KDM1B: variants seen among roughly 807,000 people sequenced by gnomAD.
The protein encoded by KDM1B is lysine demethylase 1B, also known as lysine-specific histone demethylase 2.
KDM1B carries 63 observed loss-of-function variants against 107.4 expected under a neutral mutation model. The observed-to-expected ratio is 0.59, with a 90% CI of 0.48 to 0.72. The LOEUF (loss-of-function observed/expected upper bound fraction) is 0.72. KDM1B is among the 30% of genes least tolerant of loss of function. KDM1B has a pLI of 0.00. For synonymous variants in KDM1B, 363 were observed against 363.9 expected (o/e 1.00, Z 0.03); for missense variants, 749 against 1,020.8 (o/e 0.73, Z 3.63).
In KDM1B at chr6:18,186,999, C is replaced by CACACA. The variant is rs1022320371; in HGVS notation, c.574-792_574-791insCACAA. The stretch of plus-strand genomic sequence containing the variant: ...ACACACACACACACACACACACACA[C>CACACA]ATTTTTTTTCCAGGCTCCAGAATAG... On this transcript the variant is annotated intron_variant, in intron 8 of 21. Transcript: ENST00000650836. The surrounding 1 kb of genome is among the most constrained non-coding windows in gnomAD (Gnocchi z 5.6). 6.8e-6 allele frequency among the ~76,000 whole-genome samples: 1 copy of CACACA among 146,882 alleles called. No homozygotes were observed.
intron 20 of KDM1B, among the ~76,000 whole-genome samples, chr6:18,217,447 C>T (rs1391001844): frequency 2.0e-5 from 3 of 148,974 alleles, no homozygotes; most frequent in African/African-American, 5.0e-5. Flanking sequence ...GGCGCGATCT[C>T]GGCTCACTGC....
Position 18,198,418 on chromosome 6 carries a change from G to A in KDM1B, c.1221+757G>A, listed in dbSNP as rs373538745. Among the ~76,000 whole-genome samples the A allele has an allele frequency of 3.3e-5, 5 of 150,842 alleles. No individual in the cohort carries two copies. The East Asian group carries it at 7.8e-4, about 24-fold the overall frequency. ...TAATTTTTGTATTTTTGGTAGAGAC[G>A]GGATTTCACCATGTTGGCAAGGCAG... On this transcript the variant is annotated intron_variant, in intron 12 of 21. Transcript: ENST00000650836.
At chr6:18,178,084 G>A (rs1405171743) in intron 7 of KDM1B, among the ~76,000 whole-genome samples, 1 of 151,880 alleles carries the variant, frequency 6.6e-6, no homozygotes, top group Non-Finnish European at 1.5e-5. Flanking sequence ...TTGATTGATT[G>A]ATTGATTTTT....
At position 18,193,298 on chromosome 6, in the gene KDM1B, CTTTTTTTTTT is replaced by C. The variant is rs61133563; in HGVS notation, c.969+1931_969+1940del. 3.8e-3 allele frequency among the ~76,000 whole-genome samples: 346 copies of C among 90,084 alleles called. 2 individuals carry two copies. Among genetic ancestry groups the C allele is most frequent in the African/African-American group, 0.013 (323 of 24,716 alleles). The allele number at this position is 90,084 out of a possible 152,430, so 59.1% of individuals were successfully genotyped here. ...TCAAAGACTTTGAAATGTGTGCTTT[CTTTTTTTTTT>C]TTTTTTTTTTTTTGAGACACAGACT... On this transcript the variant is annotated intron_variant, in intron 10 of 21. Coordinates refer to ENST00000650836, the MANE Select transcript of KDM1B (RefSeq NM_001364614.2).
chr6:18,213,877 C>A lies in KDM1B; in HGVS notation c.2109+96C>A, dbSNP rs1561955089. ...CCTATCAAGCTCAGGAACTAACGAACATCATGGAGACCCTGGGTCTATGTT... is the reference window on the plus strand; with the variant it reads ...CCTATCAAGCTCAGGAACTAACGAAAATCATGGAGACCCTGGGTCTATGTT... On this transcript the variant is annotated intron_variant, in intron 19 of 21. Transcript: ENST00000650836. The surrounding 1 kb of genome is among the most constrained non-coding windows in gnomAD (Gnocchi z 5.9). 1 of 1,330,326 alleles carries A rather than the reference C, an allele frequency of 7.5e-7. No individual in the cohort carries two copies. The allele number at this position is 1,330,326 out of a possible 1,614,324, so 82.4% of individuals were successfully genotyped here.
rs572081283 is a variant in KDM1B, at chr6:18,159,999, C to A, written c.87+17C>A. ...GGTAGGCAGGTAGTGTTCATTTATTCATTCAACAAGCCTTTTTTGAGCATG... is the reference window on the plus strand; with the variant it reads ...GGTAGGCAGGTAGTGTTCATTTATTAATTCAACAAGCCTTTTTTGAGCATG... On this transcript the variant is annotated intron_variant, in intron 3 of 21. Coordinates refer to ENST00000650836, the MANE Select transcript of KDM1B (RefSeq NM_001364614.2). The surrounding 1 kb of genome is among the most constrained non-coding windows in gnomAD (Gnocchi z 4.5). 1,213 of 1,534,592 alleles carry A rather than the reference C, an allele frequency of 7.9e-4. 21 individuals carry two copies. In the South Asian group the frequency reaches 0.013, roughly 17 times the overall value.
intron 7 of KDM1B, among the ~76,000 whole-genome samples, chr6:18,179,864 T>C (rs1786327863): frequency 7.5e-6 from 1 of 133,710 alleles, no homozygotes; most frequent in Admixed American, 7.6e-5. Context: ...TTTTTTTTTT[T>C]TTTTTTTTTT....
At position 18,205,484 on chromosome 6, in the gene KDM1B, T is replaced by C; in HGVS notation, c.1532-53T>C. On this transcript the variant is annotated intron_variant, in intron 14 of 21. Transcript: ENST00000650836. The surrounding 1 kb of genome is among the most constrained non-coding windows in gnomAD (Gnocchi z 5.7). ...AGGTTGAAAGCAAAGGAGAAAGAAT[T>C]GGAGAATCTTGTTAAAGCTATTTTT... 1 of 1,517,222 alleles carries C rather than the reference T, an allele frequency of 6.6e-7. No individual in the cohort carries two copies. Among genetic ancestry groups the C allele is most frequent in the Non-Finnish European group, 8.9e-7 (1 of 1,127,414 alleles). The allele number at this position is 1,517,222 out of a possible 1,614,324, so 94.0% of individuals were successfully genotyped here.
At chr6:18,195,800 G>T (rs1005906555) in intron 10 of KDM1B, among the ~76,000 whole-genome samples, 2 of 150,534 alleles carry the variant, frequency 1.3e-5, no homozygotes, top group Admixed American at 6.6e-5. Flanking sequence ...CCTAATTAAC[G>T]TATGCCTTAC....
In KDM1B at chr6:18,212,625, C is replaced by A; in HGVS notation, c.1983+21C>A. On this transcript the variant is annotated intron_variant, in intron 18 of 21. Transcript: ENST00000650836. This position sits in a 1 kb window ranked among gnomAD's most constrained non-coding sequence, Gnocchi z 5.2. ...AAAAGGTGACTGAAATGACCTCATC[C>A]TCAGCAAGAAAGAGATTAATGTCAG... The A allele has an allele frequency of 1.4e-6, 2 of 1,451,628 alleles. No individual in the cohort carries two copies. The highest frequency in any genetic ancestry group is 1.9e-6 in the Non-Finnish European group (2 of 1,031,840). The allele number at this position is 1,451,628 out of a possible 1,614,324, so 89.9% of individuals were successfully genotyped here.
At chr6:18,192,680 G>A (rs1787355650) in intron 10 of KDM1B, among the ~76,000 whole-genome samples, 1 of 151,340 alleles carries the variant, frequency 6.6e-6, no homozygotes, top group Non-Finnish European at 1.5e-5. Flanking sequence ...TGAGGCAGGA[G>A]GATCGCTTGT....
chr6:18,207,536 A>G lies in KDM1B; in HGVS notation c.1791+7A>G. 2 of 1,614,132 alleles carry G rather than the reference A, an allele frequency of 1.2e-6. No homozygotes were observed. Among genetic ancestry groups the G allele is most frequent in the African/African-American group, 1.3e-5 (1 of 75,070 alleles). ...CATTCAACTCAAATCTCCAGTGAGTATCAACTGCTGGGAGGCTCTGGCTCG... is the reference window on the plus strand; with the variant it reads ...CATTCAACTCAAATCTCCAGTGAGTGTCAACTGCTGGGAGGCTCTGGCTCG... On this transcript the variant is annotated splice_region_variant and intron_variant, in intron 16 of 21. Transcript: ENST00000650836.
In KDM1B at chr6:18,190,305, T is replaced by G. The variant is rs1251423360; in HGVS notation, c.785-892T>G. ...ACTGAACTGTACACTTAAAAACAGA[T>G]AAGAAGGCCGGGCGCAGTGGCTCAC... On this transcript the variant is annotated intron_variant, in intron 9 of 21. Transcript: ENST00000650836. 2.7e-5 allele frequency among the ~76,000 whole-genome samples: 4 copies of G among 149,656 alleles called. No individual in the cohort carries two copies. The East Asian group carries it at 8.2e-4, about 31-fold the overall frequency.
Position 18,213,598 on chromosome 6 carries a change from T to G in KDM1B, c.1984-58T>G. ...AGAGCTACAGGTTGCTGCTTAGATA[T>G]TGCCTGTGGTTTTGTGACGACAGAC... is the stretch of plus-strand genomic sequence containing the variant. On this transcript the variant is annotated intron_variant, in intron 18 of 21. Coordinates refer to ENST00000650836, the MANE Select transcript of KDM1B (RefSeq NM_001364614.2). This position sits in a 1 kb window ranked among gnomAD's most constrained non-coding sequence, Gnocchi z 5.9. The G allele has an allele frequency of 1.3e-6, 2 of 1,598,260 alleles. No individual in the cohort carries two copies. The highest frequency in any genetic ancestry group is 1.7e-6 in the Non-Finnish European group (2 of 1,166,384).
chr6:18,217,859 C>G lies in KDM1B; in HGVS notation c.2359C>G (p.Gln787Glu), dbSNP rs1356193040. 2 of 1,612,828 alleles carry G rather than the reference C, an allele frequency of 1.2e-6. No homozygotes were observed. Among genetic ancestry groups the G allele is most frequent in the Admixed American group, 1.7e-5 (1 of 59,540 alleles). The change falls in exon 21 of 22, where the codon CAA becomes GAA. Residue 787 changes from glutamine to glutamate, a missense_variant. Physicochemically the swap from Gln to Glu is conservative, Grantham distance 29. Coordinates refer to ENST00000650836, the MANE Select transcript of KDM1B (RefSeq NM_001364614.2). Reference sequence around the variant, plus strand: ...CTACGATATCATTGCTGAAGACATTCAAGGAACCGTCTTTTTCGCTGGTGA... The same window carrying G: ...CTACGATATCATTGCTGAAGACATTGAAGGAACCGTCTTTTTCGCTGGTGA... ...EAYDIIAEDI[Q>E]GTVFFAGEAT... is the part of the protein sequence containing the mutation.
chr6:18,191,227 T>G lies in KDM1B; in HGVS notation c.815T>G (p.Phe272Cys). Residue 272 changes from phenylalanine to cysteine, a missense_variant, in exon 10 of 22, where the codon TTC becomes TGC. Coordinates refer to ENST00000650836, the MANE Select transcript of KDM1B (RefSeq NM_001364614.2). The surrounding 1 kb of genome is among the most constrained non-coding windows in gnomAD (Gnocchi z 5.1). ...GGCATGAACCGATACTTCCAGCCTT[T>G]CTACCAGCCCAATGAGTGTGGCAAA... is the stretch of plus-strand genomic sequence containing the variant. Reference protein sequence around the residue: ...VPGMNRYFQPFYQPNECGKAL... With the variant: ...VPGMNRYFQPCYQPNECGKAL... The G allele has an allele frequency of 6.4e-7, 1 of 1,550,594 alleles. No homozygotes were observed.
At chr6:18,217,281 C>T (rs1789309203) in intron 20 of KDM1B, among the ~76,000 whole-genome samples, 1 of 151,878 alleles carries the variant, frequency 6.6e-6, no homozygotes, top group Non-Finnish European at 1.5e-5. Context: ...GGAGGAACAT[C>T]TTGAGAACTA....
intron 7 of KDM1B, among the ~76,000 whole-genome samples, chr6:18,183,152 CAG>C (rs773583572): frequency 1.3e-5 from 2 of 151,768 alleles, no homozygotes; most frequent in Non-Finnish European, 2.9e-5. Flanking sequence ...GTTGAAGAAA[CAG>C]AGCACTCCCA....
intron 5 of KDM1B, among the ~76,000 whole-genome samples, chr6:18,165,390 A>G (rs1157908255): frequency 6.6e-6 from 1 of 151,744 alleles, no homozygotes; most frequent in Non-Finnish European, 1.5e-5. Flanking sequence ...TTGGCCTCCC[A>G]AAGTGCTGGG....
Sources: allele counts gnomAD v4.1 joint callset (sites outside exome capture counted in the v4.1 genomes callset), GRCh38; gene constraint gnomAD v4.1.1; non-coding constraint Gnocchi (gnomAD v3.1); transcripts MANE v1.5; gene names NCBI Gene and HGNC (gene_info 2026-07-23, HGNC 2026-07-21).